Variants in PHC1 observed in about 807,000 individuals in gnomAD.
The protein encoded by PHC1 is polyhomeotic-like protein 1.
In PHC1, 12 loss-of-function variants were observed where a neutral mutation model predicts 104.3. The observed-to-expected ratio is 0.12, with a 90% CI of 0.07 to 0.19. PHC1 has a LOEUF of 0.19. PHC1 is among the 10% of genes least tolerant of loss of function. The pLI is 1.00. For synonymous variants in PHC1, 302 were observed against 455.8 expected (o/e 0.66, Z 4.30); for missense variants, 671 against 1,200.0 (o/e 0.56, Z 6.51).
chr12:8,917,812 GC>G (rs772441000), intron 2 of PHC1, 21 bp downstream of exon 2: 7 of 1,280,470 alleles, frequency 5.5e-6, no homozygotes, highest in Non-Finnish European at 7.8e-6. Flanking sequence ...GCTCTGAGGG[GC>G]CATGGTCTGT....
intron 6 of PHC1, among the ~76,000 whole-genome samples, chr12:8,928,663 T>C (rs1945598147): frequency 6.6e-6 from 1 of 152,222 alleles, no homozygotes; most frequent in Admixed American, 6.5e-5. Flanking sequence ...GTACTTACCA[T>C]CCAGCTTCAA....
chr12:8,917,097 TTA>T (rs1217172027), intron 1 of PHC1, among the ~76,000 whole-genome samples: 1 of 152,226 alleles, frequency 6.6e-6, no homozygotes, highest in Non-Finnish European at 1.5e-5. Context: ...TCAGAAAACC[TTA>T]TGTCTCAAAT....
chr12:8,920,778 G>T (rs1945339392), intron 3 of PHC1, among the ~76,000 whole-genome samples: 1 of 152,178 alleles, frequency 6.6e-6, no homozygotes, highest in African/African-American at 2.4e-5. Flanking sequence ...TCTGCCCCAG[G>T]AGGGTTATGT....
At chr12:8,925,535 T>C (rs897731964) in intron 6 of PHC1, among the ~76,000 whole-genome samples, 3 of 152,112 alleles carry the variant, frequency 2.0e-5, no homozygotes, top group Non-Finnish European at 4.4e-5. Context: ...ACTTGGGGTG[T>C]GTAGAAGTTA....
intron 11 of PHC1, among the ~76,000 whole-genome samples, chr12:8,935,918 G>A (rs929470777): frequency 6.6e-5 from 10 of 151,934 alleles, no homozygotes; most frequent in Non-Finnish European, 1.2e-4. Context: ...GCGCCACCAC[G>A]CCTGGCTAAT....
At chr12:8,935,378 C>A in intron 11 of PHC1, 140 bp downstream of exon 11, 1 of 553,196 alleles carries the variant, frequency 1.8e-6, no homozygotes, top group Non-Finnish European at 3.2e-6. Flanking sequence ...GTAATCCCAG[C>A]ACTTTGGGAG....
intron 1 of PHC1, among the ~76,000 whole-genome samples, chr12:8,916,403 A>ATG (rs1945200808): frequency 6.6e-6 from 1 of 152,200 alleles, no homozygotes; most frequent in African/African-American, 2.4e-5. Context: ...TTCTGGTTTG[A>ATG]TGTTTATATT....
chr12:8,926,231 G>C (rs1438952656), intron 6 of PHC1, among the ~76,000 whole-genome samples: 2 of 152,138 alleles, frequency 1.3e-5, no homozygotes. Context: ...GAGAGGTCTG[G>C]GTTGGAGATA....
At chr12:8,916,205 T>C (rs1038285450) in intron 1 of PHC1, 2 of 149,142 alleles carry the variant, frequency 1.3e-5, no homozygotes, top group Non-Finnish European at 3.0e-5. Flanking sequence ...TAGTCCTAAA[T>C]GAAACTAAAG....
chr12:8,925,559 G>A (rs748958361), intron 6 of PHC1, among the ~76,000 whole-genome samples: 1 of 152,306 alleles, frequency 6.6e-6, no homozygotes, highest in African/African-American at 2.4e-5. Context: ...AGATAAGAAT[G>A]TGGAAGGAGA....
At chr12:8,914,927 T>C in intron 1 of PHC1, 100 bp downstream of exon 1, 1 of 154,144 alleles carries the variant, frequency 6.5e-6, no homozygotes, top group East Asian at 1.9e-4. Flanking sequence ...ACGCCCCAGG[T>C]ACCTCCCCCA....
Position 8,931,563 on chromosome 12 carries a change from A to G in PHC1, c.1105+636A>G, listed in dbSNP as rs149380212. Among the ~76,000 whole-genome samples the G allele has an allele frequency of 4.9e-3, 743 of 152,244 alleles. 5 individuals carry two copies. Among genetic ancestry groups the G allele is most frequent in the East Asian group, 7.4e-3 (38 of 5,168 alleles). On this transcript the variant is annotated intron_variant, in intron 7 of 14. Transcript: ENST00000544916. ...AAAAATACAAAAATTAGCCGGGCGT[A>G]GTGGTTTACACCTGTAGTCCCAGCT...
chr12:8,917,106 A>C (rs1227559393), intron 1 of PHC1, among the ~76,000 whole-genome samples: 1 of 152,232 alleles, frequency 6.6e-6, no homozygotes, highest in African/African-American at 2.4e-5. Context: ...CTTATGTCTC[A>C]AATTGTAGAA....
intron 7 of PHC1, among the ~76,000 whole-genome samples, 158 bp downstream of exon 7, chr12:8,931,085 T>G (rs771933106): frequency 6.6e-6 from 1 of 152,190 alleles, no homozygotes; most frequent in Admixed American, 6.5e-5. Context: ...GCCTTGAACA[T>G]ATTAGTTCAG....
chr12:8,930,416 G>GT lies in PHC1; in HGVS notation c.613-13dup, dbSNP rs1482233670. Reference sequence around the variant, plus strand: ...CCTCCAGTCCTCCTTTTCTCAATCTGTTTTTTCGTATCTTTCAGGTTCAGA... The same window carrying GT: ...CCTCCAGTCCTCCTTTTCTCAATCTGTTTTTTTCGTATCTTTCAGGTTCAGA... On this transcript the variant is annotated intron_variant, in intron 6 of 14. Transcript: ENST00000544916. The GT allele has an allele frequency of 9.4e-6, 15 of 1,603,634 alleles. No homozygotes were observed. Among genetic ancestry groups the GT allele is most frequent in the Non-Finnish European group, 1.3e-5 (15 of 1,174,688 alleles).
intron 3 of PHC1, 135 bp from the exon 4 acceptor site, chr12:8,920,850 C>G: frequency 1.6e-6 from 1 of 612,430 alleles, no homozygotes; most frequent in Non-Finnish European, 2.9e-6. Context: ...ATATACTTTT[C>G]TTTACCCTAA....
chr12:8,922,859 C>T, intron 6 of PHC1, 71 bp downstream of exon 6: 1 of 1,350,582 alleles, frequency 7.4e-7, no homozygotes, highest in Non-Finnish European at 1.0e-6. Flanking sequence ...GACCTGGGTC[C>T]ACCCTTCTGC....
Position 8,934,302 on chromosome 12 carries a change from A to G in PHC1, c.2077A>G (p.Thr693Ala), listed in dbSNP as rs1049925. 0.42 allele frequency: 671,101 copies of G among 1,595,446 alleles called. 124,613 individuals carry two copies. Among genetic ancestry groups the G allele is most frequent in the East Asian group, 0.45 (20,200 of 44,812 alleles). ...ATCAGTGGCTAATGTGAATGCTAAT[A>G]CTCCAAGCAGTGAACTAGTAGCCTT... Reference protein sequence around the residue: ...AESVANVNANTPSSELVALTP... With the variant: ...AESVANVNANAPSSELVALTP... The change falls in exon 10 of 15, where the codon ACT (threonine) becomes GCT (alanine). Residue 693 changes from threonine to alanine, a missense_variant. By Grantham distance (58) the Thr-to-Ala change is moderately conservative. Around this residue, in one of 9 missense-constraint regions of PHC1, gnomAD observed 29 missense variants for 78.0 expected, o/e 0.37. Transcript: ENST00000544916.
rs776717270 is a variant in PHC1 at position 8,922,093 on chromosome 12, C to T, written c.456+343C>T. 2.0e-5 allele frequency among the ~76,000 whole-genome samples: 3 copies of T among 152,306 alleles called. No individual in the cohort carries two copies. In the South Asian group the frequency reaches 6.2e-4, roughly 32 times the overall value. ...CCTCCCAAAGTGCTAGGATTACAGG[C>T]GTGAACCACCGCGCCCGGCCAAAAG... On this transcript the variant is annotated intron_variant, in intron 5 of 14. Transcript: ENST00000544916.
Sources: gnomAD v4.1 joint callset for allele counts (sites outside exome capture counted in the v4.1 genomes callset) on GRCh38, gnomAD v4.1.1 for gene constraint, gnomAD v4.1.1 regional missense constraint, MANE v1.5 for transcripts, NCBI Gene and HGNC (gene_info 2026-07-23, HGNC 2026-07-21) for gene names.